ADGRL2: variants seen among roughly 807,000 people sequenced by gnomAD.
The protein encoded by ADGRL2 is calcium-independent alpha-latrotoxin receptor 2.
ADGRL2 carries 44 observed loss-of-function variants against 157.4 expected under a neutral mutation model. The ratio of observed to expected loss-of-function variants is 0.28; its 90% CI spans 0.22 to 0.36. ADGRL2 has a LOEUF of 0.36. Ranked by LOEUF, ADGRL2 falls within the 10% of genes least tolerant of loss-of-function variation. The pLI is 1.00. For missense variants in ADGRL2, 1,510 were observed against 1,768.9 expected (o/e 0.85, Z 2.63); for synonymous variants, 585 against 624.7 (o/e 0.94, Z 0.95).
intron 3 of ADGRL2, among the ~76,000 whole-genome samples, chr1:81,658,583 T>A (rs1232257772): frequency 6.6e-6 from 1 of 152,184 alleles, no homozygotes; most frequent in Non-Finnish European, 1.5e-5. Flanking sequence ...CCCACACTTC[T>A]GAGTCTCCAA....
At chr1:81,876,915 TATTAACAACCTTGGTTTTCTAATGTA>T (rs1370786917) in intron 2 of ADGRL2, among the ~76,000 whole-genome samples, 3 of 152,176 alleles carry the variant, frequency 2.0e-5, no homozygotes, top group Admixed American at 2.0e-4. Flanking sequence ...GGTTGAGGTT[TATTAACAACCTTGGTTTTCTAATGTA>T]GTGGAATTCA....
intron 2 of ADGRL2, among the ~76,000 whole-genome samples, chr1:81,861,832 G>A (rs1266325409): frequency 6.6e-6 from 1 of 151,702 alleles, no homozygotes; most frequent in East Asian, 1.9e-4. Flanking sequence ...GCAGTGAACT[G>A]AGATTGCACC....
intron 11 of ADGRL2, among the ~76,000 whole-genome samples, chr1:81,963,718 T>C (rs978986668): frequency 6.6e-6 from 1 of 151,590 alleles, no homozygotes; most frequent in African/African-American, 2.4e-5. Flanking sequence ...TTTTTTAACT[T>C]AATTTACTAA....
intron 3 of ADGRL2, among the ~76,000 whole-genome samples, chr1:81,598,315 T>C (rs888423757): frequency 3.3e-5 from 5 of 152,184 alleles, no homozygotes; most frequent in African/African-American, 1.2e-4. Context: ...GATTCCTGGA[T>C]AGAGTAAAAT....
chr1:81,787,627 C>CAA (rs2087118823), intron 2 of ADGRL2, among the ~76,000 whole-genome samples: 1 of 151,782 alleles, frequency 6.6e-6, no homozygotes, highest in Admixed American at 6.6e-5. Context: ...TGCACTTCAG[C>CAA]CTGGGTGACA....
intron 1 of ADGRL2, among the ~76,000 whole-genome samples, chr1:81,322,439 A>G (rs189071375): frequency 6.6e-6 from 1 of 152,142 alleles, no homozygotes; most frequent in East Asian, 1.9e-4. Flanking sequence ...AACATGAAAT[A>G]TACAATTTTA....
chr1:81,811,256 T>G (rs1470961214), intron 1 of ADGRL2, among the ~76,000 whole-genome samples: 1 of 151,892 alleles, frequency 6.6e-6, no homozygotes, highest in African/African-American at 2.4e-5. Flanking sequence ...CTGTATGTTT[T>G]AGCATATCTT....
At chr1:81,940,097 A>G (rs182060838) in intron 4 of ADGRL2, among the ~76,000 whole-genome samples, 1 of 151,692 alleles carries the variant, frequency 6.6e-6, no homozygotes, top group East Asian at 1.9e-4. Flanking sequence ...TCAAATAACA[A>G]AATTCAGCCA....
At chr1:81,967,547 C>T (rs1657500727) in intron 13 of ADGRL2, among the ~76,000 whole-genome samples, 3 of 152,250 alleles carry the variant, frequency 2.0e-5, no homozygotes, top group Non-Finnish European at 2.9e-5. Context: ...AGGCGTGAGC[C>T]ACCGCGCCCG....
At chr1:81,559,724 T>A (rs1267623367) in intron 2 of ADGRL2, among the ~76,000 whole-genome samples, 4 of 152,184 alleles carry the variant, frequency 2.6e-5, no homozygotes, top group African/African-American at 9.7e-5. Context: ...GTGCAGGTGT[T>A]ATGTTTTTCA....
At chr1:81,715,847 G>T (rs1019692417) in intron 1 of ADGRL2, among the ~76,000 whole-genome samples, 6 of 152,074 alleles carry the variant, frequency 3.9e-5, no homozygotes, top group Non-Finnish European at 7.4e-5. Context: ...ACAGTACCTG[G>T]ATTATAATTA....
chr1:81,485,740 A>G (rs2078486280), intron 2 of ADGRL2, among the ~76,000 whole-genome samples: 1 of 152,112 alleles, frequency 6.6e-6, no homozygotes, highest in Non-Finnish European at 1.5e-5. Context: ...TTATAAGATA[A>G]GTAAACAAAC....
intron 3 of ADGRL2, among the ~76,000 whole-genome samples, chr1:81,912,080 A>AT (rs200140192): frequency 1.6e-4 from 23 of 147,638 alleles, no homozygotes; most frequent in South Asian, 4.2e-4. Flanking sequence ...TTTATTTTTT[A>AT]TTTTTTTTTG....
chr1:81,342,367 G>A (rs1044688342), intron 1 of ADGRL2, among the ~76,000 whole-genome samples: 1 of 152,142 alleles, frequency 6.6e-6, no homozygotes, highest in African/African-American at 2.4e-5. Context: ...CATTCCAATT[G>A]TATCATGTAC....
intron 1 of ADGRL2, among the ~76,000 whole-genome samples, chr1:81,409,354 T>C (rs760126857): frequency 3.3e-5 from 5 of 152,244 alleles, no homozygotes; most frequent in Non-Finnish European, 7.3e-5. Context: ...TTTTAAACAG[T>C]TCACTGAAAT....
At chr1:81,778,393 G>A (rs2086683013) in intron 2 of ADGRL2, among the ~76,000 whole-genome samples, 1 of 151,586 alleles carries the variant, frequency 6.6e-6, no homozygotes, top group African/African-American at 2.4e-5. Flanking sequence ...CATAAATAAA[G>A]TCCTTATTAA....
rs377327086 is a variant in ADGRL2 at position 81,578,326 on chromosome 1, A to G, written c.-247-2550A>G. ...ATCTGTTATTCATTGATCCATGACT[A>G]GTGATTGGAAACTATTTTTGCCTGG... On this transcript the variant is annotated intron_variant, in intron 2 of 24. Transcript: ENST00000370721. Among the ~76,000 whole-genome samples, 128 of 152,308 alleles carry G rather than the reference A, an allele frequency of 8.4e-4. 2 individuals carry two copies. The South Asian group carries it at 0.025, about 30-fold the overall frequency.
At chr1:81,482,210 C>A (rs1468808835) in intron 2 of ADGRL2, among the ~76,000 whole-genome samples, 1 of 152,200 alleles carries the variant, frequency 6.6e-6, no homozygotes, top group Non-Finnish European at 1.5e-5. Context: ...TTAGTTATTT[C>A]TGACATAGAG....
At chr1:81,587,894 C>T (rs1391594264) in intron 3 of ADGRL2, among the ~76,000 whole-genome samples, 2 of 152,090 alleles carry the variant, frequency 1.3e-5, no homozygotes, top group Non-Finnish European at 2.9e-5. Context: ...ATACATACAA[C>T]CTTTCATGTG....
Sources: gnomAD v4.1 joint callset for allele counts (sites outside exome capture counted in the v4.1 genomes callset) on GRCh38, gnomAD v4.1.1 for gene constraint, MANE v1.5 for transcripts, NCBI Gene and HGNC (gene_info 2026-07-23, HGNC 2026-07-21) for gene names.